The following SEPTIN1 variants were observed in gnomAD, a reference collection of about 807,000 sequenced individuals.
The protein encoded by SEPTIN1 is septin-1.
Under a neutral mutation model 50.7 loss-of-function variants are expected in SEPTIN1, and 52 were observed. That is an observed-to-expected ratio of 1.03 (90% confidence interval 0.82 to 1.29). The LOEUF (loss-of-function observed/expected upper bound fraction) is 1.29. SEPTIN1 is among the 50% of genes most tolerant of loss of function. The pLI is 0.00. For missense variants in SEPTIN1, 455 were observed against 490.7 expected (o/e 0.93, Z 0.69); for synonymous variants, 204 against 189.1 (o/e 1.08, Z -0.65).
intron 7 of SEPTIN1, 56 bp downstream of exon 7, chr16:30,379,876 G>A: frequency 1.1e-6 from 1 of 950,198 alleles, no homozygotes; most frequent in East Asian, 2.4e-5. Context: ...CAAAGTGCTG[G>A]GATTACAGAC....
At chr16:30,380,768 T>C (rs1190407909) in intron 6 of SEPTIN1, 1 of 267,766 alleles carries the variant, frequency 3.7e-6, no homozygotes, top group East Asian at 9.4e-5. Context: ...AGACTCTATC[T>C]AAAAAAAAAA....
chr16:30,382,729 A>C (rs1342771727), upstream of SEPTIN1: 1 of 1,536,202 alleles, frequency 6.5e-7, no homozygotes, highest in Admixed American at 2.0e-5. The surrounding 1 kb of genome is among the most constrained non-coding windows in gnomAD (Gnocchi z 4.8). Context: ...TCACCTGTCT[A>C]CGTACCTTCA....
At chr16:30,380,097 G>C in intron 6 of SEPTIN1, 64 bp from the exon 7 acceptor site, 2 of 1,324,718 alleles carry the variant, frequency 1.5e-6, no homozygotes, top group Non-Finnish European at 2.1e-6. Context: ...TTCATGACCA[G>C]AGACAGTGAG....
At position 30,379,928 on chromosome 16, in the gene SEPTIN1, A is replaced by G. The variant is rs747345146; in HGVS notation, c.675+4T>C. On this transcript the variant is annotated splice_donor_region_variant and intron_variant, in intron 7 of 10. Coordinates refer to ENST00000321367, the MANE Select transcript of SEPTIN1 (RefSeq NM_001365977.2). The stretch of plus-strand genomic sequence containing the variant: ...GGCCTGCCTTCCTTCTTTGTTTCCC[A>G]CACCTTCATCTCTGCATCCTGCCTC... 1 of 1,484,660 alleles carries G rather than the reference A, an allele frequency of 6.7e-7. No individual in the cohort carries two copies. The highest frequency in any genetic ancestry group is 2.3e-5 in the East Asian group (1 of 43,958). 92.0% of individuals were successfully genotyped at this position (1,484,660 alleles called of 1,614,324 possible). A position where few individuals can be genotyped will look rare whatever the true frequency, so the allele number is the denominator to read the frequency against.
Position 30,381,265 on chromosome 16 carries a change from T to C in SEPTIN1, c.456-21A>G. 1.9e-6 allele frequency: 3 copies of C among 1,613,356 alleles called. No individual in the cohort carries two copies. Among genetic ancestry groups the C allele is most frequent in the South Asian group, 1.1e-5 (1 of 91,066 alleles). ...GGAGCCTGCACCCAGGGATTGGTCA[T>C]TGCCCAGCCTCAGGGGGCAGAGACC... On this transcript the variant is annotated intron_variant, in intron 5 of 10. Coordinates refer to ENST00000321367, the MANE Select transcript of SEPTIN1 (RefSeq NM_001365977.2). This position sits in a 1 kb window ranked among gnomAD's most constrained non-coding sequence, Gnocchi z 4.3.
At position 30,378,417 on chromosome 16, in the gene SEPTIN1, C is replaced by T; in HGVS notation, c.*17G>A. The T allele has an allele frequency of 6.4e-7, 1 of 1,554,340 alleles. No individual in the cohort carries two copies. The stretch of plus-strand genomic sequence containing the variant: ...GACTGAAGGCGGAGCCGAGGTAAGG[C>T]CGGGCGGGGCGTGGCCTCAGAGGGC... On this transcript the variant is annotated 3_prime_UTR_variant, in exon 11 of 11. Transcript: ENST00000321367.
chr16:30,382,355 T>C lies in SEPTIN1; in HGVS notation c.29A>G (p.Tyr10Cys), dbSNP rs1449201801. 2.5e-6 allele frequency: 4 copies of C among 1,612,282 alleles called. No individual in the cohort carries two copies. In the South Asian group the frequency reaches 4.4e-5, roughly 18 times the overall value. Residue 10 changes from tyrosine (Y) to cysteine (C), a missense_variant, in exon 2 of 11, where the codon TAC becomes TGC. Physicochemically the swap from Tyr to Cys is radical, Grantham distance 194. Transcript: ENST00000321367. The surrounding 1 kb of genome is among the most constrained non-coding windows in gnomAD (Gnocchi z 4.8). ...GTTGGGGAGGGCAGCAAAACCCACGTACTCCTTGTCCTATGGATGGGGGTG... is the reference window on the plus strand; with the variant it reads ...GTTGGGGAGGGCAGCAAAACCCACGCACTCCTTGTCCTATGGATGGGGGTG... MAGGVMDKEYVGFAALPNQL... is the reference protein window; with the variant it reads MAGGVMDKECVGFAALPNQL...
In SEPTIN1 at chr16:30,381,082, G is replaced by A; in HGVS notation, c.573+45C>T. On this transcript the variant is annotated intron_variant, in intron 6 of 10. Transcript: ENST00000321367. The surrounding 1 kb of genome is among the most constrained non-coding windows in gnomAD (Gnocchi z 4.3). ...TCAAAGAAGTCTAAGCTGAAATCAG[G>A]TTTGGCTTCACATGGGGTCAAAGGT... 1.4e-6 allele frequency: 2 copies of A among 1,437,994 alleles called. No individual in the cohort carries two copies. Among genetic ancestry groups the A allele is most frequent in the Non-Finnish European group, 2.0e-6 (2 of 1,019,026 alleles). 89.1% of individuals were successfully genotyped at this position (1,437,994 alleles called of 1,614,324 possible).
rs1567425417 is a variant in SEPTIN1, at chr16:30,381,317, CCCCAGGATCCCCCCA to C, written c.455+7_455+21del. 6.2e-7 allele frequency: 1 copy of C among 1,612,432 alleles called. No homozygotes were observed. The highest frequency in any genetic ancestry group is 8.5e-7 in the Non-Finnish European group (1 of 1,178,932). On this transcript the variant is annotated splice_region_variant and intron_variant, in intron 5 of 10. Transcript: ENST00000321367. This position sits in a 1 kb window ranked among gnomAD's most constrained non-coding sequence, Gnocchi z 4.3. ...CCCAGCCCTCCCTAAATGCGCCAGC[CCCCAGGATCCCCCCA>C]CCAGACCCCCGGCCGAAGGGTGAGA...
At chr16:30,382,645 C>G, upstream of SEPTIN1, 10 of 1,540,006 alleles carry the variant, frequency 6.5e-6, no homozygotes, top group Non-Finnish European at 8.7e-6. This position sits in a 1 kb window ranked among gnomAD's most constrained non-coding sequence, Gnocchi z 4.8. Context: ...CTCAAACTGG[C>G]CCAGTCCCAG....
intron 6 of SEPTIN1, chr16:30,380,371 G>A (rs1748845514): frequency 1.3e-5 from 2 of 159,262 alleles, no homozygotes; most frequent in African/African-American, 2.4e-5. Flanking sequence ...GCTCCATCTT[G>A]GTTCACTGCA....
At chr16:30,378,570 C>T in intron 10 of SEPTIN1, 40 bp downstream of exon 10, 1 of 1,608,670 alleles carries the variant, frequency 6.2e-7, no homozygotes. Flanking sequence ...CAGAGGGGGA[C>T]CTGGGGCATC....
At position 30,378,675 on chromosome 16, in the gene SEPTIN1, C is replaced by T. The variant is rs1389481853; in HGVS notation, c.967G>A (p.Glu323Lys). ...RSKLSRQSAT[E>K]IPLPMLPLAD... is the part of the protein sequence containing the mutation. ...AGAGGCAGCATGGGCAGCGGGATCT[C>T]TGTGGCGCTCTGGCGGGAAAGCTTA... The change falls in exon 10 of 11, where the codon GAG (glutamate) becomes AAG (lysine). Residue 323 changes from glutamate (E) to lysine (K), a missense_variant. Glu to Lys is a moderately conservative substitution (Grantham distance 56). Coordinates refer to ENST00000321367, the MANE Select transcript of SEPTIN1 (RefSeq NM_001365977.2). 1.2e-6 allele frequency: 2 copies of T among 1,609,128 alleles called. No homozygotes were observed. The highest frequency in any genetic ancestry group is 1.7e-6 in the Non-Finnish European group (2 of 1,179,902).
At chr16:30,379,881 AC>A in intron 7 of SEPTIN1, 50 bp downstream of exon 7, 1 of 994,052 alleles carries the variant, frequency 1.0e-6, no homozygotes, top group Non-Finnish European at 1.6e-6. Context: ...TGCTGGGATT[AC>A]AGACGTGAGC....
In SEPTIN1 at chr16:30,382,016, G is replaced by C; in HGVS notation, c.196+77C>G. 1 of 1,597,080 alleles carries C rather than the reference G, an allele frequency of 6.3e-7. No individual in the cohort carries two copies. Among genetic ancestry groups the C allele is most frequent in the South Asian group, 1.1e-5 (1 of 90,294 alleles). On this transcript the variant is annotated intron_variant, in intron 3 of 10. Coordinates refer to ENST00000321367, the MANE Select transcript of SEPTIN1 (RefSeq NM_001365977.2). The surrounding 1 kb of genome is among the most constrained non-coding windows in gnomAD (Gnocchi z 4.8). ...TCAGAAAAAAAGCAGTCAACTACCT[G>C]AGTCCCCAGATGGAAAAGACTAGGG... is the stretch of plus-strand genomic sequence containing the variant.
In SEPTIN1 at chr16:30,378,375, G is replaced by A. The variant is rs1224625380; in HGVS notation, c.*59C>T. On this transcript the variant is annotated 3_prime_UTR_variant, in exon 11 of 11. Transcript: ENST00000321367. Reference sequence around the variant, plus strand: ...GGGCGCTGGGCAGTGTGGGGCGCGGGGATTGGACAAGAGGCCGACTGAAGG... The same window carrying A: ...GGGCGCTGGGCAGTGTGGGGCGCGGAGATTGGACAAGAGGCCGACTGAAGG... 2 of 1,453,998 alleles carry A rather than the reference G, an allele frequency of 1.4e-6. No homozygotes were observed. Among genetic ancestry groups the A allele is most frequent in the East Asian group, 2.4e-5 (1 of 41,130 alleles). 90.1% of individuals were successfully genotyped at this position (1,453,998 alleles called of 1,614,324 possible). A position where few individuals can be genotyped will look rare whatever the true frequency, so the allele number is the denominator to read the frequency against.
In SEPTIN1 at chr16:30,379,118, C is replaced by T; in HGVS notation, c.841G>A (p.Asp281Asn). ...RRMLVQTHLQ[D>N]LKEVTHDLLY... ...AGATCGTGCGTCACCTCTTTCAGGT[C>T]CTGCAGGTGTGTCTGCACCAGCATC... The change falls in exon 9 of 11, where the codon GAC (aspartate) becomes AAC (asparagine). Residue 281 changes from aspartate (D) to asparagine (N), a missense_variant. Physicochemically the swap from Asp to Asn is conservative, Grantham distance 23 (BLOSUM62 1). Coordinates refer to ENST00000321367, the MANE Select transcript of SEPTIN1 (RefSeq NM_001365977.2). 4 of 1,614,098 alleles carry T rather than the reference C, an allele frequency of 2.5e-6. No individual in the cohort carries two copies. The highest frequency in any genetic ancestry group is 3.4e-6 in the Non-Finnish European group (4 of 1,179,992).
Position 30,381,262 on chromosome 16 carries a change from T to A in SEPTIN1, c.456-18A>T. The A allele has an allele frequency of 6.2e-7, 1 of 1,613,338 alleles. No individual in the cohort carries two copies. The highest frequency in any genetic ancestry group is 8.5e-7 in the Non-Finnish European group (1 of 1,179,502). ...GCCGGAGCCTGCACCCAGGGATTGG[T>A]CATTGCCCAGCCTCAGGGGGCAGAG... On this transcript the variant is annotated intron_variant, in intron 5 of 10. Coordinates refer to ENST00000321367, the MANE Select transcript of SEPTIN1 (RefSeq NM_001365977.2). This position sits in a 1 kb window ranked among gnomAD's most constrained non-coding sequence, Gnocchi z 4.3.
chr16:30,379,877 G>T, intron 7 of SEPTIN1, 55 bp downstream of exon 7: 1 of 961,216 alleles, frequency 1.0e-6, no homozygotes, highest in Non-Finnish European at 1.7e-6. Flanking sequence ...AAAGTGCTGG[G>T]ATTACAGACG....
Sources: allele counts gnomAD v4.1 joint callset, GRCh38; gene constraint gnomAD v4.1.1; non-coding constraint Gnocchi (gnomAD v3.1); transcripts MANE v1.5; gene names NCBI Gene and HGNC (gene_info 2026-07-23, HGNC 2026-07-21).